Variants in QKI observed in about 807,000 individuals in gnomAD.
QKI encodes the protein QKI, KH domain containing RNA binding.
In QKI, 10 loss-of-function variants were observed where a neutral mutation model predicts 39.0. That is an observed-to-expected ratio of 0.26 (90% confidence interval 0.16 to 0.43). The LOEUF is 0.43. QKI is among the 20% of genes least tolerant of loss of function. The pLI, the probability that QKI is intolerant of heterozygous loss-of-function variation, is 1.00. For synonymous variants in QKI, 204 were observed against 155.4 expected, an observed-to-expected ratio of 1.31 and a Z score of -2.33; for missense variants, 218 against 428.0, an observed-to-expected ratio of 0.51 and a Z score of 4.33.
intron 4 of QKI, among the ~76,000 whole-genome samples, chr6:163,555,489 G>A (rs954751475): frequency 8.8e-6 from 1 of 113,698 alleles, no homozygotes; most frequent in Admixed American, 1.3e-4. Context: ...GAAGCCTAGC[G>A]ACAGAGCGAA....
intron 1 of QKI, among the ~76,000 whole-genome samples, chr6:163,418,652 GA>G (rs1787745762): frequency 6.6e-6 from 1 of 152,034 alleles, no homozygotes. Flanking sequence ...AGATAGAGAT[GA>G]TTATAGGATT....
intron 3 of QKI, among the ~76,000 whole-genome samples, chr6:163,502,001 C>G (rs958378031): frequency 5.9e-5 from 9 of 152,130 alleles, no homozygotes; most frequent in Admixed American, 5.9e-4. Context: ...TTATTTTTTG[C>G]TGCCTCACAA....
chr6:163,566,831 T>C, intron 7 of QKI, 36 bp downstream of exon 7: 1 of 1,605,508 alleles, frequency 6.2e-7, no homozygotes, highest in Non-Finnish European at 8.5e-7. Context: ...CTATAAGAAA[T>C]GCGTTGGGTG....
intron 3 of QKI, among the ~76,000 whole-genome samples, chr6:163,523,227 G>A (rs527939501): frequency 3.3e-5 from 5 of 152,080 alleles, no homozygotes; most frequent in African/African-American, 1.2e-4. Flanking sequence ...CTCTCTTTCA[G>A]TGTTGCCTGA....
At chr6:163,567,303 C>T (rs1445717706) in intron 7 of QKI, 4 of 985,758 alleles carry the variant, frequency 4.1e-6, no homozygotes, top group Admixed American at 1.2e-4. Flanking sequence ...TGAGGGTGCA[C>T]ATGTCAAGTA....
intron 4 of QKI, among the ~76,000 whole-genome samples, chr6:163,544,595 T>C (rs939704116): frequency 6.6e-6 from 1 of 152,114 alleles, no homozygotes; most frequent in African/African-American, 2.4e-5. Flanking sequence ...TGGTGGTTTG[T>C]ATCTGCCCTT....
intron 3 of QKI, among the ~76,000 whole-genome samples, chr6:163,530,734 C>G (rs1442215710): frequency 6.6e-6 from 1 of 152,108 alleles, no homozygotes; most frequent in Non-Finnish European, 1.5e-5. Context: ...GTCGGTCTCT[C>G]TCTTCACACT....
intron 1 of QKI, among the ~76,000 whole-genome samples, chr6:163,453,798 A>G (rs190535248): frequency 2.0e-5 from 3 of 152,288 alleles, no homozygotes; most frequent in Admixed American, 2.0e-4. Flanking sequence ...ACAAATTGTT[A>G]TTTAAGAGAT....
At chr6:163,508,470 C>T (rs1432884050) in intron 3 of QKI, among the ~76,000 whole-genome samples, 2 of 151,708 alleles carry the variant, frequency 1.3e-5, no homozygotes, top group Non-Finnish European at 2.9e-5. Context: ...TGGTAGAGAG[C>T]CAGAAGAGAG....
At chr6:163,444,040 ATT>A (rs1789954735) in intron 1 of QKI, among the ~76,000 whole-genome samples, 1 of 152,128 alleles carries the variant, frequency 6.6e-6, no homozygotes, top group East Asian at 1.9e-4. Context: ...TTACATGAGG[ATT>A]TGGTGTTTTC....
chr6:163,568,443 T>C lies in QKI; in HGVS notation c.1009+1648T>C. 5.1e-6 allele frequency: 5 copies of C among 985,564 alleles called. No homozygotes were observed. In the South Asian group the frequency reaches 1.9e-4, roughly 37 times the overall value. The allele number at this position is 985,564 out of a possible 1,614,324, so 61.1% of individuals were successfully genotyped here. On this transcript the variant is annotated intron_variant, in intron 7 of 7. Coordinates refer to ENST00000361752, the MANE Select transcript of QKI (RefSeq NM_006775.3). ...ATGGATCTTTTGTAGTTACGTGTTT[T>C]GATTAGTCCTGTCACTGTTTTTATT... is the stretch of plus-strand genomic sequence containing the variant.
At position 163,574,170 on chromosome 6, in the gene QKI, G is replaced by C. The variant is rs1463208733; in HGVS notation, c.*3460G>C. Reference sequence around the variant, plus strand: ...ATAATCACTGTCTGCTCACAGCATCGAGTAAAAAGATACATTGTCATGGTA... The same window carrying C: ...ATAATCACTGTCTGCTCACAGCATCCAGTAAAAAGATACATTGTCATGGTA... On this transcript the variant is annotated 3_prime_UTR_variant, in exon 8 of 8. Coordinates refer to ENST00000361752, the MANE Select transcript of QKI (RefSeq NM_006775.3). 1.3e-5 allele frequency: 2 copies of C among 152,040 alleles called. No homozygotes were observed. Among genetic ancestry groups the C allele is most frequent in the Admixed American group, 1.3e-4 (2 of 15,248 alleles). The allele number at this position is 152,040 out of a possible 1,614,324, so 9.4% of individuals were successfully genotyped here.
chr6:163,444,145 T>C (rs1386517612), intron 1 of QKI, among the ~76,000 whole-genome samples: 1 of 152,212 alleles, frequency 6.6e-6, no homozygotes, highest in Non-Finnish European at 1.5e-5. Flanking sequence ...TAGTCTGGCC[T>C]GGAGTTCTCA....
intron 2 of QKI, among the ~76,000 whole-genome samples, chr6:163,477,585 C>CTA (rs1340733506): frequency 6.6e-6 from 1 of 152,078 alleles, no homozygotes; most frequent in East Asian, 1.9e-4. Context: ...ATATAAAGAG[C>CTA]TATTAGCAGA....
chr6:163,506,048 G>T (rs1352269578), intron 3 of QKI, among the ~76,000 whole-genome samples: 1 of 152,030 alleles, frequency 6.6e-6, no homozygotes, highest in African/African-American at 2.4e-5. Flanking sequence ...AAAGTGTTTG[G>T]CAGATGTGTT....
chr6:163,480,049 G>T (rs1792955112), intron 3 of QKI, among the ~76,000 whole-genome samples: 1 of 151,956 alleles, frequency 6.6e-6, no homozygotes, highest in South Asian at 2.1e-4. Context: ...TTCTTTTGCT[G>T]GTTTAATTAG....
chr6:163,539,625 A>G (rs1781396691), intron 4 of QKI, among the ~76,000 whole-genome samples: 1 of 152,204 alleles, frequency 6.6e-6, no homozygotes, highest in African/African-American at 2.4e-5. Flanking sequence ...TCAGTGGAAG[A>G]GATGCTGCAT....
intron 2 of QKI, among the ~76,000 whole-genome samples, 191 bp downstream of exon 2, chr6:163,455,612 A>G (rs531612021): frequency 2.6e-5 from 4 of 152,208 alleles, no homozygotes; most frequent in East Asian, 1.9e-4. Context: ...GATTGCTGCT[A>G]TGTCACTTTG....
chr6:163,534,853 A>G (rs1781097590), intron 3 of QKI, 129 bp from the exon 4 acceptor site: 1 of 738,990 alleles, frequency 1.4e-6, no homozygotes, highest in Non-Finnish European at 2.0e-6. Flanking sequence ...AAATAATTCA[A>G]AGACTTGTGC....
Sources: gnomAD v4.1 joint callset for allele counts (sites outside exome capture counted in the v4.1 genomes callset) on GRCh38, gnomAD v4.1.1 for gene constraint, MANE v1.5 for transcripts, NCBI Gene and HGNC (gene_info 2026-07-23, HGNC 2026-07-21) for gene names.